Variants in DAB1 observed in about 807,000 individuals in gnomAD.
DAB1 encodes the protein DAB adaptor protein 1.
A neutral mutation model predicts 64.6 loss-of-function variants in DAB1; 15 were observed. That is an observed-to-expected ratio of 0.23 (90% CI 0.16 to 0.36). DAB1 has a LOEUF of 0.36. Ranked by LOEUF, DAB1 falls within the 10% of genes least tolerant of loss-of-function variation. The probability of loss-of-function intolerance (pLI) is 1.00; values close to 1 mark genes in which losing one functional copy is unlikely to be tolerated. For missense variants in DAB1, 596 were observed against 706.7 expected, an observed-to-expected ratio of 0.84 and a Z score of 1.78; for synonymous variants, 235 against 251.9, an observed-to-expected ratio of 0.93 and a Z score of 0.64.
intron 5 of DAB1, among the ~76,000 whole-genome samples, chr1:58,047,726 G>A (rs898089492): frequency 1.3e-5 from 2 of 152,010 alleles, no homozygotes; most frequent in African/African-American, 4.8e-5. Flanking sequence ...CTCTTCTATT[G>A]ACACTCTCTC....
intron 2 of DAB1, among the ~76,000 whole-genome samples, chr1:57,154,491 G>A (rs1396948296): frequency 1.3e-5 from 2 of 152,192 alleles, no homozygotes; most frequent in Non-Finnish European, 2.9e-5. Flanking sequence ...TGTCAACAGT[G>A]CTGCAACAAA....
At chr1:58,328,418 T>C (rs1662889868) in intron 4 of DAB1, among the ~76,000 whole-genome samples, 1 of 152,196 alleles carries the variant, frequency 6.6e-6, no homozygotes, top group African/African-American at 2.4e-5. Flanking sequence ...CCATGAATCC[T>C]CTCCAGCAGC....
chr1:58,137,561 C>T (rs1654018385), intron 5 of DAB1, among the ~76,000 whole-genome samples: 1 of 152,130 alleles, frequency 6.6e-6, no homozygotes, highest in South Asian at 2.1e-4. Context: ...ATCCATCCAC[C>T]TCTATCACCC....
chr1:58,351,385 T>TTCATAGGCTCAAATATCTCATGA (rs1557737642), intron 3 of DAB1, among the ~76,000 whole-genome samples: 7 of 152,016 alleles, frequency 4.6e-5, no homozygotes, highest in Admixed American at 4.6e-4. Context: ...ATATCTCATG[T>TTCATAGGCTCAAATATCTCATGA]CCTTCTCACT....
At chr1:57,812,585 A>C (rs1401023205) in intron 6 of DAB1, among the ~76,000 whole-genome samples, 1 of 152,204 alleles carries the variant, frequency 6.6e-6, no homozygotes, top group Admixed American at 6.5e-5. Context: ...GACAGGCAGG[A>C]ATACATTCAA....
chr1:57,734,578 T>C (rs1304794704), intron 6 of DAB1, among the ~76,000 whole-genome samples: 1 of 152,204 alleles, frequency 6.6e-6, no homozygotes, highest in Non-Finnish European at 1.5e-5. Flanking sequence ...TTTTTCATAA[T>C]ACCTTTTTTA....
intron 2 of DAB1, among the ~76,000 whole-genome samples, chr1:57,233,014 AGT>A (rs1667801612): frequency 6.6e-6 from 1 of 152,092 alleles, no homozygotes; most frequent in Non-Finnish European, 1.5e-5. Flanking sequence ...ATATGTTATT[AGT>A]AGAACTGTGT....
intron 6 of DAB1, among the ~76,000 whole-genome samples, chr1:57,683,508 C>T (rs1038013814): frequency 5.9e-5 from 9 of 152,136 alleles, no homozygotes; most frequent in Non-Finnish European, 1.0e-4. Context: ...TGGATTGCAG[C>T]CCAAACTACA....
At chr1:57,220,710 T>A (rs111489042) in intron 2 of DAB1, among the ~76,000 whole-genome samples, 1 of 152,148 alleles carries the variant, frequency 6.6e-6, no homozygotes, top group African/African-American at 2.4e-5. Flanking sequence ...AGATACCATC[T>A]CACACCAGTT....
intron 7 of DAB1, among the ~76,000 whole-genome samples, chr1:57,544,847 T>G (rs1644839111): frequency 6.6e-6 from 1 of 152,222 alleles, no homozygotes. Flanking sequence ...TTTGCTTCCC[T>G]TTCCACCCGT....
intron 14 of DAB1, among the ~76,000 whole-genome samples, chr1:56,999,921 A>G (rs1288742227): frequency 1.3e-5 from 2 of 152,090 alleles, no homozygotes; most frequent in Admixed American, 1.3e-4. Context: ...TAGACTTTCT[A>G]CTGCCCTTGG....
chr1:57,753,281 T>C (rs1238658695), intron 6 of DAB1, among the ~76,000 whole-genome samples: 1 of 152,134 alleles, frequency 6.6e-6, no homozygotes, highest in Non-Finnish European at 1.5e-5. Context: ...TGATGGGTGG[T>C]TGGAAATGTA....
intron 6 of DAB1, among the ~76,000 whole-genome samples, chr1:57,753,324 G>C (rs888102718): frequency 2.0e-5 from 3 of 152,182 alleles, no homozygotes; most frequent in African/African-American, 7.2e-5. Flanking sequence ...GATTTCTCTG[G>C]ACATGCCACT....
chr1:58,083,697 G>C (rs1045820073), intron 5 of DAB1, among the ~76,000 whole-genome samples: 2 of 152,204 alleles, frequency 1.3e-5, no homozygotes, highest in Non-Finnish European at 2.9e-5. Context: ...CAAAGTCCCT[G>C]CTTATGACAC....
chr1:58,344,342 C>T (rs973654941), intron 3 of DAB1, among the ~76,000 whole-genome samples: 2 of 152,028 alleles, frequency 1.3e-5, no homozygotes, highest in East Asian at 3.9e-4. Context: ...AATTAGTGGT[C>T]CAGTGAAGAA....
intron 2 of DAB1, among the ~76,000 whole-genome samples, chr1:57,182,669 T>C (rs1401899972): frequency 2.0e-5 from 3 of 151,988 alleles, no homozygotes; most frequent in African/African-American, 4.8e-5. Flanking sequence ...ACAGTGGAGG[T>C]GAGCACAGGC....
At chr1:57,430,871 T>C (rs1394911018) in intron 7 of DAB1, among the ~76,000 whole-genome samples, 1 of 150,426 alleles carries the variant, frequency 6.6e-6, no homozygotes, top group African/African-American at 2.5e-5. Context: ...GATTGTTTAC[T>C]CTATACCAGG....
At chr1:57,472,621 C>A (rs974872659) in intron 7 of DAB1, among the ~76,000 whole-genome samples, 10 of 151,544 alleles carry the variant, frequency 6.6e-5, no homozygotes, top group Admixed American at 3.9e-4. Flanking sequence ...CAGTCACATA[C>A]CCGCTGCTTG....
intron 1 of DAB1, among the ~76,000 whole-genome samples, chr1:57,328,278 T>G (rs927043711): frequency 6.6e-6 from 1 of 152,166 alleles, no homozygotes; most frequent in Non-Finnish European, 1.5e-5. Context: ...GAGTCCAACC[T>G]CTGTGCCAGC....
Sources: gnomAD v4.1 joint callset for allele counts (sites outside exome capture counted in the v4.1 genomes callset) on GRCh38, gnomAD v4.1.1 for gene constraint, MANE v1.5 for transcripts, NCBI Gene and HGNC (gene_info 2026-07-23, HGNC 2026-07-21) for gene names.